MED13L: variants seen among roughly 807,000 people sequenced by gnomAD.
MED13L encodes mediator complex subunit 13L, also known as mediator of RNA polymerase II transcription subunit 13-like.
In MED13L, 7 loss-of-function variants were observed where a neutral mutation model predicts 220.9. The observed-to-expected ratio is 0.03, with a 90% CI of 0.02 to 0.06. The LOEUF is 0.06. Among genes scored for constraint, MED13L ranks in the 10% least tolerant of loss-of-function variants. The pLI, the probability that MED13L is intolerant of heterozygous loss-of-function variation, is 1.00. For synonymous variants in MED13L, 1,011 were observed against 1,015.2 expected (o/e 1.00, Z 0.08); for missense variants, 1,965 against 2,760.5 (o/e 0.71, Z 6.46).
At chr12:116,093,736 T>C (rs1872437212) in intron 4 of MED13L, among the ~76,000 whole-genome samples, 1 of 152,072 alleles carries the variant, frequency 6.6e-6, no homozygotes, top group Admixed American at 6.5e-5. Flanking sequence ...TATTACACTA[T>C]ACTTAGAAAT....
At chr12:116,012,696 G>A (rs1879487752) in intron 9 of MED13L, 101 bp downstream of exon 9, 1 of 870,354 alleles carries the variant, frequency 1.1e-6, no homozygotes, top group African/African-American at 1.6e-5. Context: ...TACTGGAGGA[G>A]AATGGAGAAT....
chr12:116,177,387 T>C (rs183703370), intron 2 of MED13L, among the ~76,000 whole-genome samples: 5 of 152,224 alleles, frequency 3.3e-5, no homozygotes, highest in South Asian at 4.1e-4. Flanking sequence ...AAGCTAGGCA[T>C]TGAGTCTCTG....
intron 1 of MED13L, among the ~76,000 whole-genome samples, chr12:116,248,963 GGCCCTACA>G (rs1212278161): frequency 6.6e-6 from 1 of 152,198 alleles, no homozygotes; most frequent in Non-Finnish European, 1.5e-5. Context: ...AAATGAGGTG[GGCCCTACA>G]AAGGCCAAGA....
intron 1 of MED13L, among the ~76,000 whole-genome samples, chr12:116,243,250 G>C (rs1020654946): frequency 6.6e-6 from 1 of 152,112 alleles, no homozygotes; most frequent in Non-Finnish European, 1.5e-5. Flanking sequence ...GGGGTAGTCA[G>C]GGTTCTCAGA....
chr12:116,128,494 TGTAAA>T lies in MED13L; in HGVS notation c.311-16987_311-16983del, dbSNP rs553228133. ...TTAAAATACCACAATAAACTCACAA[TGTAAA>T]GTAGTTACTGTCATGAAGTGGGTCT... On this transcript the variant is annotated intron_variant, in intron 2 of 30. Coordinates refer to ENST00000281928, the MANE Select transcript of MED13L (RefSeq NM_015335.5). Among the ~76,000 whole-genome samples, 496 of 151,728 alleles carry T rather than the reference TGTAAA, an allele frequency of 3.3e-3. 1 individual carries two copies. Among genetic ancestry groups the T allele is most frequent in the South Asian group, 8.9e-3 (43 of 4,820 alleles).
intron 9 of MED13L, among the ~76,000 whole-genome samples, chr12:116,010,882 CTTTT>C (rs751574971): frequency 7.2e-6 from 1 of 138,604 alleles, no homozygotes; most frequent in Non-Finnish European, 1.6e-5. Flanking sequence ...AAGGATTTTT[CTTTT>C]TTTTTTTTTT....
At chr12:116,128,677 T>C (rs973868003) in intron 2 of MED13L, among the ~76,000 whole-genome samples, 7 of 152,226 alleles carry the variant, frequency 4.6e-5, no homozygotes, top group Admixed American at 2.0e-4. Context: ...CTACAGATGA[T>C]AGCTCTTAAT....
intron 2 of MED13L, among the ~76,000 whole-genome samples, chr12:116,181,015 C>G (rs113607459): frequency 0.054 from 8,066 of 149,962 alleles, 283 homozygotes; most frequent in Non-Finnish European, 0.083. Context: ...ACTGCAACCT[C>G]TGCCTCCCAG....
chr12:116,142,861 G>A (rs1356057022), intron 2 of MED13L, among the ~76,000 whole-genome samples: 6 of 152,124 alleles, frequency 3.9e-5, no homozygotes, highest in African/African-American at 9.7e-5. Context: ...GGAATTATAC[G>A]TTTAAAATTT....
chr12:116,031,710 G>GA (rs1566020513), intron 4 of MED13L, among the ~76,000 whole-genome samples: 2 of 36,804 alleles, frequency 5.4e-5, no homozygotes, highest in Non-Finnish European at 1.1e-4. Context: ...GAAAAGAAAA[G>GA]AAAAGAAAAG....
intron 1 of MED13L, among the ~76,000 whole-genome samples, chr12:116,265,165 T>G (rs1206674849): frequency 6.6e-6 from 1 of 152,184 alleles, no homozygotes; most frequent in Non-Finnish European, 1.5e-5. Context: ...ACCTCTCCCC[T>G]TCAAGGTTCA....
chr12:116,107,889 A>G (rs963236623), intron 3 of MED13L, among the ~76,000 whole-genome samples: 10 of 152,160 alleles, frequency 6.6e-5, no homozygotes, highest in African/African-American at 2.4e-4. Context: ...CAGGAGTTCG[A>G]GACCAGCCTA....
chr12:116,239,534 T>C (rs1394342980), intron 1 of MED13L, among the ~76,000 whole-genome samples: 5 of 152,250 alleles, frequency 3.3e-5, no homozygotes, highest in African/African-American at 1.2e-4. Context: ...CTTTTAATCT[T>C]TGCATAATAT....
intron 4 of MED13L, among the ~76,000 whole-genome samples, chr12:116,063,372 G>C (rs190344257): frequency 3.1e-4 from 47 of 152,238 alleles, no homozygotes; most frequent in Admixed American, 6.5e-4. Context: ...AAAATAATTA[G>C]CTGGGCATAG....
intron 2 of MED13L, among the ~76,000 whole-genome samples, chr12:116,160,823 C>T (rs895154653): frequency 1.3e-5 from 2 of 151,518 alleles, no homozygotes; most frequent in Non-Finnish European, 2.9e-5. Flanking sequence ...CTGCCTCAGC[C>T]TCCCAATGTG....
intron 4 of MED13L, among the ~76,000 whole-genome samples, chr12:116,073,453 T>C (rs947113002): frequency 6.6e-6 from 1 of 152,190 alleles, no homozygotes; most frequent in Non-Finnish European, 1.5e-5. Context: ...TACTATTCTC[T>C]CATTCAATCG....
chr12:116,179,235 G>GTGTA (rs1194999889), intron 2 of MED13L, among the ~76,000 whole-genome samples: 4 of 146,622 alleles, frequency 2.7e-5, no homozygotes, highest in Non-Finnish European at 6.0e-5. Context: ...GTGTGTGTGT[G>GTGTA]TACACAATTT....
At chr12:116,132,679 G>C (rs1876175314) in intron 2 of MED13L, among the ~76,000 whole-genome samples, 1 of 152,066 alleles carries the variant, frequency 6.6e-6, no homozygotes, top group African/African-American at 2.4e-5. Context: ...CCAACACTTT[G>C]GGAGGCCGAG....
chr12:116,056,077 G>A (rs957165462), intron 4 of MED13L, among the ~76,000 whole-genome samples: 3 of 151,952 alleles, frequency 2.0e-5, no homozygotes, highest in Non-Finnish European at 2.9e-5. Flanking sequence ...TTAGTAAGCT[G>A]CTGGCAGCCC....
Sources: gnomAD v4.1 joint callset for allele counts (sites outside exome capture counted in the v4.1 genomes callset) on GRCh38, gnomAD v4.1.1 for gene constraint, MANE v1.5 for transcripts, NCBI Gene and HGNC (gene_info 2026-07-23, HGNC 2026-07-21) for gene names.